Variants in ECT2L observed in about 807,000 individuals in gnomAD.
ECT2L encodes epithelial cell-transforming sequence 2 oncogene-like.
ECT2L carries 126 observed loss-of-function variants against 122.8 expected under a neutral mutation model. The ratio of observed to expected loss-of-function variants is 1.03; its 90% CI spans 0.89 to 1.19. The LOEUF is 1.19. Ranked by LOEUF, ECT2L falls within the 50% of genes most tolerant of loss-of-function variation. The pLI is 0.00. For synonymous variants in ECT2L, 385 were observed against 381.8 expected (o/e 1.01, Z -0.10); for missense variants, 1,012 against 1,064.1 (o/e 0.95, Z 0.68).
chr6:138,836,090 G>C (rs1237221912), intron 4 of ECT2L, among the ~76,000 whole-genome samples: 1 of 151,882 alleles, frequency 6.6e-6, no homozygotes, highest in Non-Finnish European at 1.5e-5. Context: ...TCGCGTCGGG[G>C]GGCATAGCAT....
intron 1 of ECT2L, among the ~76,000 whole-genome samples, chr6:138,812,130 G>A (rs531678074): frequency 5.3e-5 from 8 of 152,326 alleles, no homozygotes; most frequent in Admixed American, 3.3e-4. Context: ...GAAAGTCCAC[G>A]TGAGGACACA....
chr6:138,838,463 T>C lies in ECT2L; in HGVS notation c.291T>C (p.Asp97=). ...LYIFSFLSPK[D]LCAAAQVSWP... is the part of the protein sequence containing the mutation. Reference sequence around the variant, plus strand: ...TCTTTTCCTTTTTGAGTCCGAAAGATTTGTGTGCCGCTGCCCAAGTCAGCT... The same window carrying C: ...TCTTTTCCTTTTTGAGTCCGAAAGACTTGTGTGCCGCTGCCCAAGTCAGCT... The change falls in exon 5 of 22, where the codon GAT becomes GAC. Residue 97 remains aspartate, a synonymous_variant. Transcript: ENST00000541398. The C allele has an allele frequency of 6.2e-7, 1 of 1,613,954 alleles. No homozygotes were observed. The highest frequency in any genetic ancestry group is 8.5e-7 in the Non-Finnish European group (1 of 1,179,960).
At position 138,855,589 on chromosome 6, in the gene ECT2L, T is replaced by G. The variant is rs79967694; in HGVS notation, c.1198+1435T>G. 8.5e-3 allele frequency among the ~76,000 whole-genome samples: 1,302 copies of G among 152,344 alleles called. 20 individuals are homozygous for G. The highest frequency in any genetic ancestry group is 0.03 in the African/African-American group (1,233 of 41,572). On this transcript the variant is annotated intron_variant, in intron 10 of 21. Coordinates refer to ENST00000541398, the MANE Select transcript of ECT2L (RefSeq NM_001077706.3). ...AACAGCACCTATTTCTAGATGTGTTTTATAATTTTTCTACTTTTCTACTTT... is the reference window on the plus strand; with the variant it reads ...AACAGCACCTATTTCTAGATGTGTTGTATAATTTTTCTACTTTTCTACTTT...
intron 5 of ECT2L, among the ~76,000 whole-genome samples, chr6:138,839,465 G>A (rs1776965638): frequency 6.6e-6 from 1 of 151,438 alleles, no homozygotes; most frequent in African/African-American, 2.4e-5. Flanking sequence ...CCAGGCTCAA[G>A]AGATCCTCTC....
At position 138,824,535 on chromosome 6, in the gene ECT2L, A is replaced by C. The variant is rs1472674149; in HGVS notation, c.179+9932A>C. On this transcript the variant is annotated intron_variant, in intron 4 of 21. Transcript: ENST00000541398. ...TTTATAAAATCCACCTCCTCCAAAA[A>C]AGCAATAAAAAAAAAAAAACTATAA... Among the ~76,000 whole-genome samples the C allele has an allele frequency of 2.3e-5, 3 of 131,154 alleles. No individual in the cohort carries two copies. In the East Asian group the frequency reaches 6.1e-4, roughly 27 times the overall value. The allele number at this position is 131,154 out of a possible 152,430, so 86.0% of individuals were successfully genotyped here.
In ECT2L at chr6:138,816,781, G is replaced by A. The variant is rs563231950; in HGVS notation, c.179+2178G>A. On this transcript the variant is annotated intron_variant, in intron 4 of 21. Coordinates refer to ENST00000541398, the MANE Select transcript of ECT2L (RefSeq NM_001077706.3). The stretch of plus-strand genomic sequence containing the variant: ...ATTACAGGCATGAGCCGCCGCGCCC[G>A]GCCTAAACATCTTTATTGAGATATA... Among the ~76,000 whole-genome samples the A allele has an allele frequency of 1.3e-3, 201 of 152,268 alleles. 1 individual carries two copies. The highest frequency in any genetic ancestry group is 4.7e-3 in the African/African-American group (196 of 41,538).
chr6:138,858,697 C>CTTT (rs35946003), intron 10 of ECT2L, among the ~76,000 whole-genome samples: 4 of 59,324 alleles, frequency 6.7e-5, no homozygotes, highest in Non-Finnish European at 8.7e-5. Context: ...TAGAATTTTC[C>CTTT]TTTTTTTTTT....
At chr6:138,884,231 A>G (rs1187251177) in intron 16 of ECT2L, among the ~76,000 whole-genome samples, 1 of 152,222 alleles carries the variant, frequency 6.6e-6, no homozygotes, top group Non-Finnish European at 1.5e-5. Flanking sequence ...AAGTCCAGTA[A>G]TGAAATCAGT....
intron 9 of ECT2L, among the ~76,000 whole-genome samples, chr6:138,852,998 C>A (rs148989772): frequency 2.0e-5 from 3 of 152,072 alleles, no homozygotes; most frequent in Admixed American, 6.6e-5. Context: ...GATGGAGTCT[C>A]GCTCTGTCGC....
At chr6:138,838,104 G>A (rs1029374499) in intron 4 of ECT2L, among the ~76,000 whole-genome samples, 17 of 152,096 alleles carry the variant, frequency 1.1e-4, no homozygotes, top group African/African-American at 3.9e-4. Flanking sequence ...GTTTTGCCAT[G>A]TTGGCTAGGC....
At chr6:138,889,403 A>G (rs1778939879) in intron 20 of ECT2L, among the ~76,000 whole-genome samples, 1 of 151,272 alleles carries the variant, frequency 6.6e-6, no homozygotes, top group African/African-American at 2.4e-5. Flanking sequence ...CTCGGCTCAC[A>G]GCAACCTCCG....
chr6:138,898,306 T>C (rs1453241004), intron 20 of ECT2L, among the ~76,000 whole-genome samples: 1 of 152,194 alleles, frequency 6.6e-6, no homozygotes, highest in African/African-American at 2.4e-5. Flanking sequence ...ACCCCACTCC[T>C]TCCAGCCTAA....
intron 13 of ECT2L, among the ~76,000 whole-genome samples, chr6:138,868,985 G>A (rs1348553988): frequency 4.6e-5 from 7 of 152,094 alleles, no homozygotes; most frequent in Admixed American, 3.3e-4. Flanking sequence ...TGGCCAACAT[G>A]GTGAAACCCC....
At chr6:138,844,269 A>C in intron 6 of ECT2L, 143 bp from the exon 7 acceptor site, 1 of 913,932 alleles carries the variant, frequency 1.1e-6, no homozygotes. Flanking sequence ...AGAAATCCAA[A>C]CCGAGTGCAT....
chr6:138,817,984 T>C (rs1562455701), intron 4 of ECT2L, among the ~76,000 whole-genome samples: 1 of 152,218 alleles, frequency 6.6e-6, no homozygotes, highest in Non-Finnish European at 1.5e-5. Flanking sequence ...TTGTGTCTGT[T>C]ACACTCAGAG....
intron 21 of ECT2L, 92 bp from the exon 22 acceptor site, chr6:138,902,408 C>T: frequency 8.0e-7 from 1 of 1,248,670 alleles, no homozygotes; most frequent in Non-Finnish European, 1.1e-6. Context: ...TTAAAAAATT[C>T]TTAAAGATGA....
At chr6:138,887,214 GTTTTC>G (rs1490203258) in intron 19 of ECT2L, among the ~76,000 whole-genome samples, 1 of 86,310 alleles carries the variant, frequency 1.2e-5, no homozygotes. Context: ...TGTTCTACTT[GTTTTC>G]TTTTCTTTAA....
At chr6:138,824,568 C>CAAAAAAAAAAA (rs375064265) in intron 4 of ECT2L, among the ~76,000 whole-genome samples, 1 of 91,700 alleles carries the variant, frequency 1.1e-5, no homozygotes, top group Non-Finnish European at 2.3e-5. Context: ...TAAAAAAAAA[C>CAAAAAAAAAAA]AAAAAACAAA....
At chr6:138,838,673 A>G (rs2128387206) in intron 5 of ECT2L, among the ~76,000 whole-genome samples, 159 bp downstream of exon 5, 1 of 152,372 alleles carries the variant, frequency 6.6e-6, no homozygotes, top group Middle Eastern at 3.4e-3. Flanking sequence ...GTGAAATACA[A>G]TAATGTATTT....
Sources: gnomAD v4.1 joint callset for allele counts (sites outside exome capture counted in the v4.1 genomes callset) on GRCh38, gnomAD v4.1.1 for gene constraint, MANE v1.5 for transcripts, NCBI Gene and HGNC (gene_info 2026-07-23, HGNC 2026-07-21) for gene names.